Variants in PYCR1 observed in about 807,000 individuals in gnomAD.
PYCR1 encodes pyrroline-5-carboxylate reductase 1, mitochondrial.
Under a neutral mutation model 22.9 loss-of-function variants are expected in PYCR1, and 19 were observed. The ratio of observed to expected loss-of-function variants is 0.83; its 90% CI spans 0.58 to 1.22. The LOEUF (loss-of-function observed/expected upper bound fraction) is 1.22, where lower values mean the gene tolerates loss of function less well. PYCR1 is among the 50% of genes most tolerant of loss of function. The pLI is 0.00. For missense variants in PYCR1, 429 were observed against 431.3 expected, an observed-to-expected ratio of 0.99 and a Z score of 0.05; for synonymous variants, 175 against 180.5, an observed-to-expected ratio of 0.97 and a Z score of 0.24.
rs771644421 is a variant in PYCR1 at position 81,935,360 on chromosome 17, C to T, written c.295G>A (p.Val99Ile). The change falls in exon 3 of 7, where the codon GTC becomes ATC. Residue 99 changes from valine to isoleucine, a missense_variant. Transcript: ENST00000329875. ...ACCTTCTCAATGGAGCTGATGGTGA[C>T]GCCGGCCGCGCAGGACACCACAATG... Reference protein sequence around the residue: ...RHIVVSCAAGVTISSIEKKLS... With the variant: ...RHIVVSCAAGITISSIEKKLS... 3.1e-6 allele frequency: 5 copies of T among 1,612,578 alleles called. No individual in the cohort carries two copies. Among genetic ancestry groups the T allele is most frequent in the Admixed American group, 3.3e-5 (2 of 60,014 alleles).
In PYCR1 at chr17:81,935,503, T is replaced by C. The variant is rs2041160849; in HGVS notation, c.152A>G (p.Lys51Arg). ...TVSALRKMGV[K>R]LTPHNKETVQ... ...CGTCTCCTTGTTGTGGGGTGTCAAC[T>C]TCACCCCCATCTTCTGCAGGGGCAA... Residue 51 changes from lysine to arginine, a missense_variant, in exon 3 of 7, where the codon AAG becomes AGG. Lys to Arg is a conservative substitution (Grantham distance 26). Transcript: ENST00000329875. 2 of 1,609,932 alleles carry C rather than the reference T, an allele frequency of 1.2e-6. No individual in the cohort carries two copies. Among genetic ancestry groups the C allele is most frequent in the East Asian group, 4.5e-5 (2 of 44,774 alleles).
chr17:81,935,732 G>A (rs2041169240), intron 2 of PYCR1, among the ~76,000 whole-genome samples: 1 of 152,160 alleles, frequency 6.6e-6, no homozygotes, highest in Non-Finnish European at 1.5e-5. Context: ...GACAGAAAAG[G>A]ACCCTCCATC....
intron 6 of PYCR1, 149 bp downstream of exon 6, chr17:81,934,177 G>A (rs919478553): frequency 8.4e-7 from 1 of 1,189,518 alleles, no homozygotes; most frequent in Non-Finnish European, 1.2e-6. Context: ...CAGTAACCCA[G>A]GGAACCTCGG....
chr17:81,933,242 C>T lies in PYCR1; in HGVS notation c.932G>A (p.Arg311His), dbSNP rs990588215. ...SPSGHTKLLP[R>H]SLAPAGKD ...ATCCTTGCCCGCTGGGGCCAGGCTG[C>T]GGGGGAGCAGCTTGGTGTGGCCAGA... Residue 311 changes from arginine to histidine, a missense_variant, in exon 7 of 7, where the codon CGC becomes CAC. Coordinates refer to ENST00000329875, the MANE Select transcript of PYCR1 (RefSeq NM_006907.4). 11 of 1,613,842 alleles carry T rather than the reference C, an allele frequency of 6.8e-6. No homozygotes were observed. In the African/African-American group the frequency reaches 8.0e-5, roughly 12 times the overall value.
rs951276601 is a variant in PYCR1, at chr17:81,932,474, A to G, written c.*740T>C. Reference sequence around the variant, plus strand: ...CTTGTCTAATCAGTTGAAGGCCTCCACTATTCCACCCACAGTAACCACCCT... The same window carrying G: ...CTTGTCTAATCAGTTGAAGGCCTCCGCTATTCCACCCACAGTAACCACCCT... On this transcript the variant is annotated 3_prime_UTR_variant, in exon 7 of 7. Transcript: ENST00000329875. 2.6e-5 allele frequency: 8 copies of G among 309,244 alleles called. No homozygotes were observed. The highest frequency in any genetic ancestry group is 2.6e-4 in the Admixed American group (6 of 23,206). The allele number at this position is 309,244 out of a possible 1,614,324, so 19.2% of individuals were successfully genotyped here.
chr17:81,935,154 GA>G lies in PYCR1; in HGVS notation c.319-8del. On this transcript the variant is annotated splice_region_variant and splice_polypyrimidine_tract_variant and intron_variant, in intron 3 of 6. Coordinates refer to ENST00000329875, the MANE Select transcript of PYCR1 (RefSeq NM_006907.4). ...GCCGAAACGCTGACAGCTTCTGGAA[GA>G]GAAACCAGCGTGTCCGTCTGGCCAT... The G allele has an allele frequency of 6.2e-7, 1 of 1,603,448 alleles. No individual in the cohort carries two copies. The highest frequency in any genetic ancestry group is 8.5e-7 in the Non-Finnish European group (1 of 1,178,022).
rs185044245 is a variant in PYCR1 at position 81,933,279 on chromosome 17, C to T, written c.895G>A (p.Ala299Thr). The T allele has an allele frequency of 3.8e-5, 61 of 1,613,984 alleles. No individual in the cohort carries two copies. Among genetic ancestry groups the T allele is most frequent in the Admixed American group, 8.3e-5 (5 of 60,016 alleles). The change falls in exon 7 of 7, where the codon GCT (alanine) becomes ACT (threonine). Residue 299 changes from alanine (A) to threonine (T), a missense_variant. Physicochemically the swap from Ala to Thr is moderately conservative, Grantham distance 58. Transcript: ENST00000329875. ...KVKLDSPAGT[A>T]LSPSGHTKLL... The stretch of plus-strand genomic sequence containing the variant: ...TTGGTGTGGCCAGAAGGTGACAGAG[C>T]GGTCCCTGCAGGGGAGTCCAGCTTC...
intron 5 of PYCR1, 36 bp from the exon 6 acceptor site, chr17:81,934,525 G>A (rs992224037): frequency 1.5e-5 from 23 of 1,567,012 alleles, no homozygotes; most frequent in African/African-American, 1.1e-4. Context: ...CTGTGGGCAC[G>A]CACCTGCCTC....
chr17:81,934,822 G>T, intron 4 of PYCR1, 77 bp from the exon 5 acceptor site: 1 of 1,541,358 alleles, frequency 6.5e-7, no homozygotes. Context: ...AGTTCCCACA[G>T]CCTTGGAGCC....
intron 6 of PYCR1, among the ~76,000 whole-genome samples, chr17:81,933,941 G>C (rs1005408145): frequency 6.6e-6 from 1 of 152,214 alleles, no homozygotes; most frequent in Non-Finnish European, 1.5e-5. Context: ...TGTCCTACTG[G>C]TCTAACTTAA....
chr17:81,936,662 A>C (rs939573540), intron 1 of PYCR1, 86 bp downstream of exon 1: 202 of 1,445,744 alleles, frequency 1.4e-4, no homozygotes, highest in Non-Finnish European at 1.8e-4. Context: ...GTGACCCAGC[A>C]CCCACCTTCA....
intron 4 of PYCR1, 24 bp downstream of exon 4, chr17:81,934,902 G>A (rs774937386): frequency 1.2e-5 from 19 of 1,608,646 alleles, no homozygotes; most frequent in Admixed American, 8.3e-5. Flanking sequence ...GCCCGCCGCC[G>A]CCAGCTTCCC....
intron 6 of PYCR1, chr17:81,934,094 G>C (rs545997168): frequency 1.1e-5 from 7 of 626,216 alleles, no homozygotes; most frequent in African/African-American, 1.8e-5. Flanking sequence ...GGGAGCACAG[G>C]GCACAGCATC....
In PYCR1 at chr17:81,935,045, C is replaced by T. The variant is rs1424292646; in HGVS notation, c.421G>A (p.Ala141Thr). ...GATVYATGTH[A>T]QVEDGRLMEQ... ...ATGAGCCTCCCGTCCTCCACCTGGG[C>T]GTGCGTGCCTGTGGCATACACGGTG... Residue 141 changes from alanine (A) to threonine (T), a missense_variant, in exon 4 of 7, where the codon GCC (alanine) becomes ACC (threonine). Physicochemically the swap from Ala to Thr is moderately conservative, Grantham distance 58 (BLOSUM62 0). Transcript: ENST00000329875. 3.1e-6 allele frequency: 5 copies of T among 1,610,474 alleles called. No individual in the cohort carries two copies. The highest frequency in any genetic ancestry group is 3.4e-6 in the Non-Finnish European group (4 of 1,180,012).
chr17:81,933,522 G>A lies in PYCR1; in HGVS notation c.798-146C>T, dbSNP rs375167448. 57 of 984,420 alleles carry A rather than the reference G, an allele frequency of 5.8e-5. No homozygotes were observed. In the East Asian group the frequency reaches 8.7e-4, roughly 15 times the overall value. 61.0% of individuals were successfully genotyped at this position (984,420 alleles called of 1,614,324 possible). A position where few individuals can be genotyped will look rare whatever the true frequency, so the allele number is the denominator to read the frequency against. On this transcript the variant is annotated intron_variant, in intron 6 of 6. Coordinates refer to ENST00000329875, the MANE Select transcript of PYCR1 (RefSeq NM_006907.4). ...CTTTATTCCCCTCTGCCAGCGACAC[G>A]CCCCCACACAGCTGCTGGGCTCCTT...
Position 81,933,314 on chromosome 17 carries a change from A to C in PYCR1, c.860T>G (p.Leu287Arg). 6.2e-7 allele frequency: 1 copy of C among 1,614,026 alleles called. No individual in the cohort carries two copies. The highest frequency in any genetic ancestry group is 1.7e-5 in the Admixed American group (1 of 60,016). ...VSPAAIKKTI[L>R]DKVKLDSPAG... The stretch of plus-strand genomic sequence containing the variant: ...AGGGGAGTCCAGCTTCACCTTGTCC[A>C]GGATGGTCTTCTTGATGGCGGCTGG... Residue 287 changes from leucine (L) to arginine (R), a missense_variant, in exon 7 of 7, where the codon CTG becomes CGG. Leu to Arg is a moderately radical substitution (Grantham distance 102). Coordinates refer to ENST00000329875, the MANE Select transcript of PYCR1 (RefSeq NM_006907.4).
chr17:81,935,426 A>AG lies in PYCR1; in HGVS notation c.228dup (p.Phe77LeufsTer5), dbSNP rs766499068. ...TCGGCGCCTATTTCATCCAGGATGAAGGGGATGATGTGTGGCTTCACAGCC... is the reference window on the plus strand; with the variant it reads ...TCGGCGCCTATTTCATCCAGGATGAAGGGGGATGATGTGTGGCTTCACAGCC... On this transcript the variant is annotated frameshift_variant, in exon 3 of 7. Transcript: ENST00000329875. LOFTEE classifies it high-confidence loss of function. 1.2e-6 allele frequency: 2 copies of AG among 1,613,580 alleles called. No homozygotes were observed. Among genetic ancestry groups the AG allele is most frequent in the African/African-American group, 2.7e-5 (2 of 74,940 alleles).
Position 81,932,633 on chromosome 17 carries a change from G to T in PYCR1, c.*581C>A, listed in dbSNP as rs1164059004. On this transcript the variant is annotated 3_prime_UTR_variant, in exon 7 of 7. Coordinates refer to ENST00000329875, the MANE Select transcript of PYCR1 (RefSeq NM_006907.4). ...CTCCCAGGGAGGTCAGGAGCAGGAG[G>T]TGGTGGCCACAGAAGTTCACCAGCA... 8.8e-6 allele frequency: 5 copies of T among 571,308 alleles called. No homozygotes were observed. The highest frequency in any genetic ancestry group is 4.8e-4 in the Middle Eastern group (1 of 2,074). The allele number at this position is 571,308 out of a possible 1,614,324, so 35.4% of individuals were successfully genotyped here. A position where few individuals can be genotyped will look rare whatever the true frequency, so the allele number is the denominator to read the frequency against.
Position 81,932,700 on chromosome 17 carries a change from G to T in PYCR1, c.*514C>A. 2.3e-6 allele frequency: 2 copies of T among 888,808 alleles called. No individual in the cohort carries two copies. Among genetic ancestry groups the T allele is most frequent in the Non-Finnish European group, 3.4e-6 (2 of 583,912 alleles). 55.1% of individuals were successfully genotyped at this position (888,808 alleles called of 1,614,324 possible). On this transcript the variant is annotated 3_prime_UTR_variant, in exon 7 of 7. Transcript: ENST00000329875. The stretch of plus-strand genomic sequence containing the variant: ...CCCCAAATGTCCATGGGATCTGCGT[G>T]CTTGGCAGCCAAGAGGGGCTGTGGC...
Sources: allele counts gnomAD v4.1 joint callset (sites outside exome capture counted in the v4.1 genomes callset), GRCh38; gene constraint gnomAD v4.1.1; transcripts MANE v1.5; gene names NCBI Gene and HGNC (gene_info 2026-07-23, HGNC 2026-07-21).